Variants in RNF135 observed in about 807,000 individuals in gnomAD.
RNF135 encodes the protein ring finger protein 135, also known as E3 ubiquitin-protein ligase RNF135.
Under a neutral mutation model 41.9 loss-of-function variants are expected in RNF135, and 46 were observed. That is an observed-to-expected ratio of 1.10 (90% CI 0.87 to 1.40). The LOEUF is 1.40. RNF135 is among the 40% of genes most tolerant of loss of function. The pLI is 0.00. For synonymous variants in RNF135, 238 were observed against 223.8 expected (o/e 1.06, Z -0.57); for missense variants, 539 against 549.8 (o/e 0.98, Z 0.20).
intron 3 of RNF135, among the ~76,000 whole-genome samples, chr17:30,988,478 A>G (rs530601489): frequency 1.8e-5 from 2 of 112,430 alleles, no homozygotes; most frequent in African/African-American, 7.0e-5. Flanking sequence ...CCCAGGCTGG[A>G]GTGCAGTGGC....
chr17:30,983,353 A>ATATATATATATATTTTTTTTT (rs1420453160), intron 1 of RNF135, among the ~76,000 whole-genome samples: 2 of 35,728 alleles, frequency 5.6e-5, no homozygotes, highest in Non-Finnish European at 1.1e-4. Flanking sequence ...ATATATATAT[A>ATATATATATATATTTTTTTTT]TTTTTTTTTT....
Position 30,972,529 on chromosome 17 carries a change from C to T in RNF135, c.372+1084C>T, listed in dbSNP as rs181793191. ...TCATCATAAACAGAAACTTTGTACTCATTAAGCAGTAACTCCTCATTTCTC... is the reference window on the plus strand; with the variant it reads ...TCATCATAAACAGAAACTTTGTACTTATTAAGCAGTAACTCCTCATTTCTC... On this transcript the variant is annotated intron_variant, in intron 1 of 4. Transcript: ENST00000328381. The T allele has an allele frequency of 3.5e-4, 54 of 152,318 alleles. 1 individual carries two copies. The highest frequency in any genetic ancestry group is 3.4e-3 in the Admixed American group (52 of 15,294). The allele number at this position is 152,318 out of a possible 1,614,324, so 9.4% of individuals were successfully genotyped here. A position where few individuals can be genotyped will look rare whatever the true frequency, so the allele number is the denominator to read the frequency against.
At chr17:30,987,446 G>T (rs1907670075) in intron 2 of RNF135, among the ~76,000 whole-genome samples, 1 of 152,050 alleles carries the variant, frequency 6.6e-6, no homozygotes, top group African/African-American at 2.4e-5. Flanking sequence ...TGGCCAGGCT[G>T]GTCTCGGATT....
intron 2 of RNF135, 38 bp downstream of exon 2, chr17:30,984,798 A>G: frequency 6.2e-7 from 1 of 1,609,874 alleles, no homozygotes; most frequent in Non-Finnish European, 8.5e-7. Flanking sequence ...GTGGAAGGGA[A>G]TAGGGCTAGG....
At chr17:30,981,690 CCTT>C (rs990172519) in intron 1 of RNF135, among the ~76,000 whole-genome samples, 66 of 152,324 alleles carry the variant, frequency 4.3e-4, no homozygotes, top group African/African-American at 1.5e-3. Context: ...TTGTACCTGT[CCTT>C]CTTGGGAAGG....
intron 4 of RNF135, among the ~76,000 whole-genome samples, chr17:30,997,954 A>G (rs1280039644): frequency 3.3e-5 from 5 of 152,268 alleles, no homozygotes; most frequent in Admixed American, 3.3e-4. Context: ...TGAAATATAC[A>G]AAGTGAGTAA....
At chr17:30,971,619 A>T (rs199960724) in intron 1 of RNF135, 174 bp downstream of exon 1, 1 of 1,352,368 alleles carries the variant, frequency 7.4e-7, no homozygotes, top group Non-Finnish European at 9.4e-7. Flanking sequence ...TAAAAGTATG[A>T]AGAAGTAGAA....
chr17:30,962,096 A>G, the RNF135 span, among the ~76,000 whole-genome samples: 3 of 151,260 alleles, frequency 2.0e-5, no homozygotes, highest in East Asian at 1.9e-4. Flanking sequence ...TAATTTTCAA[A>G]ATCCTCTTTC....
intron 3 of RNF135, among the ~76,000 whole-genome samples, chr17:30,992,027 G>A (rs1370343219): frequency 6.6e-6 from 1 of 151,278 alleles, no homozygotes; most frequent in African/African-American, 2.4e-5. Flanking sequence ...TGTCTCCTGG[G>A]TTCAAGTGAT....
chr17:30,987,968 T>C lies in RNF135; in HGVS notation c.541T>C (p.Ser181Pro), dbSNP rs142667339. Residue 181 changes from serine (S) to proline (P), a missense_variant, in exon 3 of 5, where the codon TCC becomes CCC. Physicochemically the swap from Ser to Pro is moderately conservative, Grantham distance 74. Around this residue, in one of 2 missense-constraint regions of RNF135, gnomAD observed 262 missense variants for 336.9 expected, o/e 0.78. Transcript: ENST00000328381. ...GGCTTTTTCTTCTGGGGTGGATCTT[T>C]CCATGGCTTCTCCAAAGCTGGTGAC... ...GKAFSSGVDL[S>P]MASPKLVTSD... The C allele has an allele frequency of 6.2e-7, 1 of 1,614,042 alleles. No homozygotes were observed. Among genetic ancestry groups the C allele is most frequent in the Non-Finnish European group, 8.5e-7 (1 of 1,180,022 alleles).
chr17:30,964,464 C>T, the RNF135 span, among the ~76,000 whole-genome samples: 5 of 149,588 alleles, frequency 3.3e-5, no homozygotes, highest in Non-Finnish European at 7.4e-5. Flanking sequence ...TTAGGCCGAG[C>T]GTGGTGGTTC....
rs746282736 is a variant in RNF135, at chr17:30,998,900, C to T, written c.1008C>T (p.Arg336=). ...AVGVASWEMS[R]DQVLGRTMDS... The stretch of plus-strand genomic sequence containing the variant: ...GGGTGGCTTCCTGGGAGATGAGCCG[C>T]GACCAGGTCCTGGGAAGGACTATGG... The change falls in exon 5 of 5, where the codon CGC becomes CGT. Residue 336 remains arginine, a synonymous_variant. Coordinates refer to ENST00000328381, the MANE Select transcript of RNF135 (RefSeq NM_032322.4). 62 of 1,611,432 alleles carry T rather than the reference C, an allele frequency of 3.8e-5. No individual in the cohort carries two copies. Among genetic ancestry groups the T allele is most frequent in the Admixed American group, 6.7e-5 (4 of 59,850 alleles).
At chr17:30,975,699 A>G in intron 1 of RNF135, 1 of 1,422,126 alleles carries the variant, frequency 7.0e-7, no homozygotes, top group Non-Finnish European at 9.9e-7. Context: ...AGAAATGCAG[A>G]CACACTACCC....
In RNF135 at chr17:30,971,302, C is replaced by A. The variant is rs948993754; in HGVS notation, c.229C>A (p.Leu77Ile). 1 of 1,532,742 alleles carries A rather than the reference C, an allele frequency of 6.5e-7. No homozygotes were observed. Among genetic ancestry groups the A allele is most frequent in the East Asian group, 2.5e-5 (1 of 39,580 alleles). 94.9% of individuals were successfully genotyped at this position (1,532,742 alleles called of 1,614,324 possible). ...GCAGCCGCACCTGCGGAAGAACACGCTACTGCAGGACCTGGCCGACAAGTA... is the reference window on the plus strand; with the variant it reads ...GCAGCCGCACCTGCGGAAGAACACGATACTGCAGGACCTGGCCGACAAGTA... ...AQQPHLRKNTLLQDLADKYRR... is the reference protein window; with the variant it reads ...AQQPHLRKNTILQDLADKYRR... Residue 77 changes from leucine to isoleucine, a missense_variant, in exon 1 of 5, where the codon CTA becomes ATA. Physicochemically the swap from Leu to Ile is conservative, Grantham distance 5. This residue lies in a region of RNF135 where 277 missense variants were observed against 212.8 expected (regional missense o/e 1.30). Coordinates refer to ENST00000328381, the MANE Select transcript of RNF135 (RefSeq NM_032322.4).
intron 3 of RNF135, among the ~76,000 whole-genome samples, chr17:30,991,606 G>A (rs1907996554): frequency 6.6e-6 from 1 of 151,834 alleles, no homozygotes; most frequent in Non-Finnish European, 1.5e-5. Flanking sequence ...TAGAGATGGG[G>A]TTTCACCATG....
chr17:30,972,371 C>CT (rs1906065420), intron 1 of RNF135: 1 of 152,178 alleles, frequency 6.6e-6, no homozygotes, highest in East Asian at 1.9e-4. Context: ...CCTCGGCTTC[C>CT]TAAAGTGCTG....
At chr17:30,974,929 C>A (rs1021827555) in intron 1 of RNF135, among the ~76,000 whole-genome samples, 1 of 151,958 alleles carries the variant, frequency 6.6e-6, no homozygotes, top group Non-Finnish European at 1.5e-5. Context: ...CTGCCTGCCT[C>A]GGCCTCCCAA....
Position 30,987,939 on chromosome 17 carries a change from A to G in RNF135, c.517-5A>G. 1 of 1,613,862 alleles carries G rather than the reference A, an allele frequency of 6.2e-7. No individual in the cohort carries two copies. Among genetic ancestry groups the G allele is most frequent in the Non-Finnish European group, 8.5e-7 (1 of 1,179,718 alleles). On this transcript the variant is annotated splice_polypyrimidine_tract_variant and splice_region_variant and intron_variant, in intron 2 of 4. Coordinates refer to ENST00000328381, the MANE Select transcript of RNF135 (RefSeq NM_032322.4). ...TTTATTCAGTTTTAAATGGTTTATCAATAGGCTTTTTCTTCTGGGGTGGAT... is the reference window on the plus strand; with the variant it reads ...TTTATTCAGTTTTAAATGGTTTATCGATAGGCTTTTTCTTCTGGGGTGGAT...
intron 1 of RNF135, 74 bp downstream of exon 1, chr17:30,971,519 G>T (rs1598073423): frequency 1.9e-5 from 27 of 1,404,870 alleles, no homozygotes; most frequent in Non-Finnish European, 2.4e-5. Context: ...CATGTGGCTC[G>T]AACCCCTTTC....
Sources: allele counts gnomAD v4.1 joint callset (sites outside exome capture counted in the v4.1 genomes callset), GRCh38; gene constraint gnomAD v4.1.1; regional missense constraint gnomAD v4.1.1; transcripts MANE v1.5; gene names NCBI Gene and HGNC (gene_info 2026-07-23, HGNC 2026-07-21).